MGAT4C: variants seen among roughly 807,000 people sequenced by gnomAD.
MGAT4C encodes the protein alpha-1,3-mannosyl-glycoprotein 4-beta-N-acetylglucosaminyltransferase C.
In MGAT4C, 19 loss-of-function variants were observed where a neutral mutation model predicts 40.1. The ratio of observed to expected loss-of-function variants is 0.47; its 90% confidence interval spans 0.33 to 0.70. The LOEUF is 0.70. MGAT4C is among the 30% of genes least tolerant of loss of function. The probability of loss-of-function intolerance (pLI) is 0.02; values close to 1 mark genes in which losing one functional copy is unlikely to be tolerated. For synonymous variants in MGAT4C, 181 were observed against 187.1 expected (o/e 0.97, Z 0.27); for missense variants, 491 against 563.2 (o/e 0.87, Z 1.30).
chr12:86,675,100 C>T (rs530553758), intron 2 of MGAT4C, among the ~76,000 whole-genome samples: 1 of 152,238 alleles, frequency 6.6e-6, no homozygotes, highest in East Asian at 1.9e-4. Context: ...GCTGCAAATA[C>T]ATGTCATCGT....
Position 86,037,242 on chromosome 12 carries a change from T to C in MGAT4C, c.-7+12432A>G, listed in dbSNP as rs1030661394. On this transcript the variant is annotated intron_variant, in intron 2 of 4. Coordinates refer to ENST00000611864, the MANE Select transcript of MGAT4C (RefSeq NM_001351288.2). ...TCGTTGATCTTTTCAAAAATCCAGC[T>C]CCTGGATTCATTGATTTTTTGAAGA... is the stretch of plus-strand genomic sequence containing the variant. 1.3e-5 allele frequency among the ~76,000 whole-genome samples: 2 copies of C among 150,068 alleles called. 1 individual carries two copies. The highest frequency in any genetic ancestry group is 3.0e-5 in the Non-Finnish European group (2 of 66,944).
intron 2 of MGAT4C, among the ~76,000 whole-genome samples, chr12:86,550,182 C>G (rs566795076): frequency 9.9e-5 from 15 of 152,274 alleles, no homozygotes; most frequent in Non-Finnish European, 1.9e-4. Context: ...CTGCCATGAT[C>G]GTAAGTTTCC....
chr12:86,070,012 T>C (rs932250082), intron 1 of MGAT4C, among the ~76,000 whole-genome samples: 3 of 152,076 alleles, frequency 2.0e-5, no homozygotes, highest in African/African-American at 7.2e-5. Flanking sequence ...AACTCATCTC[T>C]TCCATCAGCA....
At chr12:86,519,383 T>C (rs1342079476) in intron 2 of MGAT4C, among the ~76,000 whole-genome samples, 1 of 152,202 alleles carries the variant, frequency 6.6e-6, no homozygotes, top group Non-Finnish European at 1.5e-5. Context: ...CAGATATCTC[T>C]TTGAAATACT....
At chr12:86,627,884 G>T (rs1565891981) in intron 2 of MGAT4C, among the ~76,000 whole-genome samples, 2 of 152,056 alleles carry the variant, frequency 1.3e-5, no homozygotes, top group African/African-American at 4.8e-5. Context: ...AAAGCTGGAT[G>T]GAGAATGACT....
At chr12:86,816,640 G>A (rs1952613049) in intron 1 of MGAT4C, among the ~76,000 whole-genome samples, 1 of 151,534 alleles carries the variant, frequency 6.6e-6, no homozygotes, top group African/African-American at 2.4e-5. Context: ...GTGAGAATTT[G>A]CTAACATGTG....
At chr12:86,538,607 TC>T (rs1458655678) in intron 2 of MGAT4C, among the ~76,000 whole-genome samples, 3 of 76,586 alleles carry the variant, frequency 3.9e-5, no homozygotes, top group Non-Finnish European at 1.0e-4. Context: ...GTGTAATACT[TC>T]TTTTTTTTTT....
chr12:86,532,758 A>G (rs1260279647), intron 2 of MGAT4C, among the ~76,000 whole-genome samples: 1 of 151,900 alleles, frequency 6.6e-6, no homozygotes, highest in Non-Finnish European at 1.5e-5. Context: ...TTATGTATTT[A>G]TTTTTTGATA....
intron 2 of MGAT4C, among the ~76,000 whole-genome samples, chr12:86,049,238 T>C (rs1205334977): frequency 6.6e-6 from 1 of 152,026 alleles, no homozygotes; most frequent in Non-Finnish European, 1.5e-5. Flanking sequence ...AATTGTAAGA[T>C]TCTAATGTTC....
At chr12:86,009,530 G>A (rs1284680705) in intron 2 of MGAT4C, among the ~76,000 whole-genome samples, 1 of 152,044 alleles carries the variant, frequency 6.6e-6, no homozygotes, top group African/African-American at 2.4e-5. Flanking sequence ...CACTCTCCTT[G>A]TATTGCAACC....
intron 1 of MGAT4C, among the ~76,000 whole-genome samples, chr12:86,175,151 A>G (rs1887260577): frequency 6.6e-6 from 1 of 152,172 alleles, no homozygotes; most frequent in Admixed American, 6.5e-5. Flanking sequence ...CCTTAAATCA[A>G]AGAATGTATA....
chr12:86,174,385 G>A (rs61929475), intron 1 of MGAT4C, among the ~76,000 whole-genome samples: 130 of 152,200 alleles, frequency 8.5e-4, no homozygotes, highest in Non-Finnish European at 1.6e-3. Flanking sequence ...TTGCGCAAGT[G>A]ATGGAAGCCT....
intron 2 of MGAT4C, among the ~76,000 whole-genome samples, chr12:86,680,045 T>C (rs538140357): frequency 1.3e-5 from 2 of 152,096 alleles, no homozygotes; most frequent in East Asian, 3.9e-4. Flanking sequence ...CTATCCCCTT[T>C]TCTGGTTGTG....
chr12:86,479,630 AT>A (rs1957900400), intron 2 of MGAT4C, among the ~76,000 whole-genome samples: 1 of 152,116 alleles, frequency 6.6e-6, no homozygotes, highest in South Asian at 2.1e-4. Context: ...AAAAAGAAAG[AT>A]CAGTGAATGA....
intron 1 of MGAT4C, among the ~76,000 whole-genome samples, chr12:86,200,724 C>T (rs1224010120): frequency 3.9e-5 from 6 of 152,092 alleles, no homozygotes; most frequent in Admixed American, 2.6e-4. Flanking sequence ...GATGGTGTTA[C>T]GGGCTGAACT....
At chr12:86,422,994 C>T (rs1956857702) in intron 3 of MGAT4C, among the ~76,000 whole-genome samples, 1 of 152,086 alleles carries the variant, frequency 6.6e-6, no homozygotes, top group Admixed American at 6.6e-5. Context: ...GTAGAATGGG[C>T]AGAAAGTAAT....
chr12:86,785,859 T>C (rs1388412455), intron 1 of MGAT4C, among the ~76,000 whole-genome samples: 6 of 151,808 alleles, frequency 4.0e-5, no homozygotes. Context: ...AATTTTCCCA[T>C]TTTCTCTGTT....
chr12:86,323,016 A>G (rs1446178909), intron 4 of MGAT4C, among the ~76,000 whole-genome samples: 1 of 151,988 alleles, frequency 6.6e-6, no homozygotes, highest in African/African-American at 2.4e-5. Context: ...TTGGCTTGCA[A>G]TCAGCACTTA....
chr12:86,532,701 A>G (rs1279413811), intron 2 of MGAT4C, among the ~76,000 whole-genome samples: 1 of 152,016 alleles, frequency 6.6e-6, no homozygotes, highest in African/African-American at 2.4e-5. Context: ...ATTGCATCTT[A>G]AAGGCTGGCA....
Sources: allele counts gnomAD v4.1 joint callset (sites outside exome capture counted in the v4.1 genomes callset), GRCh38; gene constraint gnomAD v4.1.1; transcripts MANE v1.5; gene names NCBI Gene and HGNC (gene_info 2026-07-23, HGNC 2026-07-21).